Variants in THOC6 observed in about 807,000 individuals in gnomAD.
The protein encoded by THOC6 is THO complex 6.
THOC6 carries 39 observed loss-of-function variants against 55.8 expected under a neutral mutation model. The observed-to-expected ratio is 0.70, with a 90% confidence interval of 0.54 to 0.91. THOC6 has a LOEUF of 0.91. Among genes scored for constraint, THOC6 ranks in the 40% least tolerant of loss-of-function variants. The probability of loss-of-function intolerance (pLI) is 0.00; values close to 1 mark genes in which losing one functional copy is unlikely to be tolerated. For synonymous variants in THOC6, 192 were observed against 175.6 expected, an observed-to-expected ratio of 1.09 and a Z score of -0.74; for missense variants, 482 against 442.0, an observed-to-expected ratio of 1.09 and a Z score of -0.81.
Position 3,027,709 on chromosome 16 carries a change from C to CTT in THOC6, c.*68_*69dup, listed in dbSNP as rs56382043. The CTT allele has an allele frequency of 2.2e-4, 300 of 1,349,972 alleles. No homozygotes were observed. The highest frequency in any genetic ancestry group is 2.6e-4 in the Non-Finnish European group (259 of 1,008,686). The allele number at this position is 1,349,972 out of a possible 1,614,324, so 83.6% of individuals were successfully genotyped here. ...AGGGTTTTAGAGTGTTTTTCATTTT[C>CTT]TTTTTTTTTTTTTTTTTACAATAAA... On this transcript the variant is annotated 3_prime_UTR_variant, in exon 13 of 13. Coordinates refer to ENST00000326266, the MANE Select transcript of THOC6 (RefSeq NM_024339.5).
chr16:3,027,318 C>G lies in THOC6; in HGVS notation c.810+38C>G, dbSNP rs376580486. 5 of 1,614,172 alleles carry G rather than the reference C, an allele frequency of 3.1e-6. No individual in the cohort carries two copies. In the East Asian group the frequency reaches 1.1e-4, roughly 36 times the overall value. On this transcript the variant is annotated intron_variant, in intron 11 of 12. Coordinates refer to ENST00000326266, the MANE Select transcript of THOC6 (RefSeq NM_024339.5). ...GTCTCACTTCTGCCACCCCCACTGA[C>G]TCTTCCCTTCAGTCCTGACCCCTGA...
In THOC6 at chr16:3,026,414, G is replaced by C; in HGVS notation, c.411+1G>C. 1 of 1,614,108 alleles carries C rather than the reference G, an allele frequency of 6.2e-7. No homozygotes were observed. The highest frequency in any genetic ancestry group is 8.5e-7 in the Non-Finnish European group (1 of 1,180,030). ...CAACGCTTTGCTGCTGGTCCCCAAG[G>C]TCTGAGCCCCATGTGACTGTTCTTG... On this transcript the variant is annotated splice_donor_variant, in intron 6 of 12. Transcript: ENST00000326266. LOFTEE classifies it high-confidence loss of function.
intron 8 of THOC6, 32 bp from the exon 9 acceptor site, chr16:3,026,835 G>A: frequency 6.2e-7 from 1 of 1,614,196 alleles, no homozygotes; most frequent in Non-Finnish European, 8.5e-7. Context: ...GCTGAGGCAA[G>A]TGGGGCACCA....
At chr16:3,024,501 C>T in intron 1 of THOC6, 136 bp downstream of exon 1, 1 of 1,075,426 alleles carries the variant, frequency 9.3e-7, no homozygotes. Flanking sequence ...ACCAGGGGGG[C>T]GGGATAGTAA....
chr16:3,024,708 C>G (rs2072738363), intron 1 of THOC6, among the ~76,000 whole-genome samples: 1 of 145,402 alleles, frequency 6.9e-6, no homozygotes, highest in Non-Finnish European at 1.5e-5. Context: ...GATCTCAGCT[C>G]ACTGCAACCT....
At chr16:3,024,726 C>A (rs1156837543) in intron 1 of THOC6, among the ~76,000 whole-genome samples, 1 of 151,106 alleles carries the variant, frequency 6.6e-6, no homozygotes, top group Non-Finnish European at 1.5e-5. Context: ...CCTCCGCCTC[C>A]CAGGTTCAAG....
Position 3,026,898 on chromosome 16 carries a change from C to T in THOC6, c.618C>T (p.Ile206=), listed in dbSNP as rs200979270. 12 of 1,614,080 alleles carry T rather than the reference C, an allele frequency of 7.4e-6. No individual in the cohort carries two copies. The highest frequency in any genetic ancestry group is 1.6e-4 in the Middle Eastern group (1 of 6,084). The change falls in exon 9 of 13, where the codon ATC becomes ATT. Residue 206 remains isoleucine (I), a synonymous_variant. Coordinates refer to ENST00000326266, the MANE Select transcript of THOC6 (RefSeq NM_024339.5). ...GCACAGCCAAGGAGGTCCAGACGATCGAGGTCTATAAGCACGAGGTGAGGG... is the reference window on the plus strand; with the variant it reads ...GCACAGCCAAGGAGGTCCAGACGATTGAGGTCTATAAGCACGAGGTGAGGG... ...DLRTAKEVQT[I]EVYKHEECSR...
At chr16:3,025,609 C>G in intron 1 of THOC6, 99 bp from the exon 2 acceptor site, 1 of 1,104,408 alleles carries the variant, frequency 9.1e-7, no homozygotes, top group Non-Finnish European at 1.4e-6. Context: ...GAAGTCAGGA[C>G]AGTGGGAGGC....
rs1353082351 is a variant in THOC6 at position 3,026,498 on chromosome 16, C to T, written c.412-18C>T. The T allele has an allele frequency of 6.2e-7, 1 of 1,614,158 alleles. No homozygotes were observed. Among genetic ancestry groups the T allele is most frequent in the Admixed American group, 1.7e-5 (1 of 60,002 alleles). On this transcript the variant is annotated intron_variant, in intron 6 of 12. Coordinates refer to ENST00000326266, the MANE Select transcript of THOC6 (RefSeq NM_024339.5). ...CTGATTTGACATTGACTTTCTGCCT[C>T]ATCCTGCTCCTCCACAGGAGAATTC...
At position 3,027,497 on chromosome 16, in the gene THOC6, CA is replaced by C. The variant is rs765747828; in HGVS notation, c.944del (p.Lys315ArgfsTer3). The C allele has an allele frequency of 3.1e-6, 5 of 1,611,218 alleles. No individual in the cohort carries two copies. Among genetic ancestry groups the C allele is most frequent in the Non-Finnish European group, 4.2e-6 (5 of 1,178,408 alleles). Reference sequence around the variant, plus strand: ...ACCAGCAGCCTGCCGCGCCTGAGTGCAAGGTGGGTCCGGCAGGGGCCGCGGA... The same window carrying C: ...ACCAGCAGCCTGCCGCGCCTGAGTGCAGGTGGGTCCGGCAGGGGCCGCGGA... Reference protein sequence around the residue: ...LNQQPAAPECKVLTAAGNSCR... With the variant: ...LNQQPAAPECXVLTAAGNSCR... On this transcript the variant is annotated frameshift_variant and splice_region_variant, in exon 12 of 13. Transcript: ENST00000326266. LOFTEE classifies it high-confidence loss of function.
At position 3,025,647 on chromosome 16, in the gene THOC6, G is replaced by T. The variant is rs1303822173; in HGVS notation, c.40-61G>T. 10 of 1,492,838 alleles carry T rather than the reference G, an allele frequency of 6.7e-6. No individual in the cohort carries two copies. In the African/African-American group the frequency reaches 8.3e-5, roughly 12 times the overall value. 92.5% of individuals were successfully genotyped at this position (1,492,838 alleles called of 1,614,324 possible). On this transcript the variant is annotated intron_variant, in intron 1 of 12. Transcript: ENST00000326266. ...GGCAGGTTTTGGGGGAAGCAGGGAG[G>T]AATCTGTGGATGGGAGGTTTCATAC... is the stretch of plus-strand genomic sequence containing the variant.
Position 3,025,960 on chromosome 16 carries a change from A to C in THOC6, c.192A>C (p.Glu64Asp), listed in dbSNP as rs2072777723. 1 of 1,614,060 alleles carries C rather than the reference A, an allele frequency of 6.2e-7. No homozygotes were observed. Among genetic ancestry groups the C allele is most frequent in the African/African-American group, 1.3e-5 (1 of 74,916 alleles). The change falls in exon 3 of 13, where the codon GAA becomes GAC. Residue 64 changes from glutamate to aspartate, a missense_variant. By Grantham distance (45) the Glu-to-Asp change is conservative (BLOSUM62 2). Coordinates refer to ENST00000326266, the MANE Select transcript of THOC6 (RefSeq NM_024339.5). Reference sequence around the variant, plus strand: ...CTTTGAGCTCAGAAGCCAAAGAGGAAAGTAAGAAGCCGGTGGTGACTTTCC... The same window carrying C: ...CTTTGAGCTCAGAAGCCAAAGAGGACAGTAAGAAGCCGGTGGTGACTTTCC... ...SSALSSEAKEESKKPVVTFQA... is the reference protein window; with the variant it reads ...SSALSSEAKEDSKKPVVTFQA...
chr16:3,024,361 G>A lies in THOC6; in HGVS notation c.35G>A (p.Gly12Asp). 1 of 1,614,140 alleles carries A rather than the reference G, an allele frequency of 6.2e-7. No homozygotes were observed. The highest frequency in any genetic ancestry group is 8.5e-7 in the Non-Finnish European group (1 of 1,180,016). ...GCTGTGCCGCTCGCGGTGCCTCTGGGTCAGGTGAGACGGACGTGGTGCGCG... is the reference window on the plus strand; with the variant it reads ...GCTGTGCCGCTCGCGGTGCCTCTGGATCAGGTGAGACGGACGTGGTGCGCG... Reference protein sequence around the residue: ...ERAVPLAVPLGQTEVFQALQR... With the variant: ...ERAVPLAVPLDQTEVFQALQR... Residue 12 changes from glycine to aspartate, a missense_variant, in exon 1 of 13, where the codon GGT becomes GAT. Gly to Asp is a moderately conservative substitution (Grantham distance 94). Transcript: ENST00000326266.
Position 3,027,131 on chromosome 16 carries a change from C to G in THOC6, c.700-39C>G, listed in dbSNP as rs375370982. 4.0e-5 allele frequency: 65 copies of G among 1,614,050 alleles called. No homozygotes were observed. In the Admixed American group the frequency reaches 1.1e-3, roughly 26 times the overall value. On this transcript the variant is annotated intron_variant, in intron 10 of 12. Transcript: ENST00000326266. ...GCTCCGGGCCCTGTCAGCTGTGGGCCTGTGGTTCACAGCTGGGGACTCCCA... is the reference window on the plus strand; with the variant it reads ...GCTCCGGGCCCTGTCAGCTGTGGGCGTGTGGTTCACAGCTGGGGACTCCCA...
At position 3,024,226 on chromosome 16, in the gene THOC6, C is replaced by A; in HGVS notation, c.-101C>A. Reference sequence around the variant, plus strand: ...ACGGTACGCACCAGCCACCTTCGCGCCGAAGGCGGTAGGGCGCCACGGAGA... The same window carrying A: ...ACGGTACGCACCAGCCACCTTCGCGACGAAGGCGGTAGGGCGCCACGGAGA... On this transcript the variant is annotated 5_prime_UTR_variant, in exon 1 of 13. Coordinates refer to ENST00000326266, the MANE Select transcript of THOC6 (RefSeq NM_024339.5). 1 of 1,497,404 alleles carries A rather than the reference C, an allele frequency of 6.7e-7. No homozygotes were observed. Among genetic ancestry groups the A allele is most frequent in the Non-Finnish European group, 9.2e-7 (1 of 1,083,674 alleles). 92.8% of individuals were successfully genotyped at this position (1,497,404 alleles called of 1,614,324 possible). A position where few individuals can be genotyped will look rare whatever the true frequency, so the allele number is the denominator to read the frequency against.
At chr16:3,025,020 G>A (rs2072749458) in intron 1 of THOC6, among the ~76,000 whole-genome samples, 5 of 138,122 alleles carry the variant, frequency 3.6e-5, no homozygotes, top group Admixed American at 1.6e-4. Flanking sequence ...TGGGTTCACC[G>A]CAACCTCCGC....
rs143382065 is a variant in THOC6 at position 3,027,486 on chromosome 16, G to T, written c.931G>T (p.Ala311Ser). ...CCTCAGCCTCAACCAGCAGCCTGCCGCGCCTGAGTGCAAGGTGGGTCCGGC... is the reference window on the plus strand; with the variant it reads ...CCTCAGCCTCAACCAGCAGCCTGCCTCGCCTGAGTGCAAGGTGGGTCCGGC... The part of the protein sequence containing the change: ...LSLSLNQQPA[A>S]PECKVLTAAG... The change falls in exon 12 of 13, where the codon GCG (alanine) becomes TCG (serine). Residue 311 changes from alanine (A) to serine (S), a missense_variant. Ala to Ser is a moderately conservative substitution (Grantham distance 99). Coordinates refer to ENST00000326266, the MANE Select transcript of THOC6 (RefSeq NM_024339.5). 2 of 1,610,104 alleles carry T rather than the reference G, an allele frequency of 1.2e-6. No homozygotes were observed. Among genetic ancestry groups the T allele is most frequent in the South Asian group, 1.1e-5 (1 of 90,938 alleles).
In THOC6 at chr16:3,024,202, C is replaced by A. The variant is rs2072717503; in HGVS notation, c.-125C>A. 1.6e-6 allele frequency: 2 copies of A among 1,217,694 alleles called. No individual in the cohort carries two copies. The highest frequency in any genetic ancestry group is 2.4e-6 in the Non-Finnish European group (2 of 845,364). The allele number at this position is 1,217,694 out of a possible 1,614,324, so 75.4% of individuals were successfully genotyped here. A position where few individuals can be genotyped will look rare whatever the true frequency, so the allele number is the denominator to read the frequency against. On this transcript the variant is annotated 5_prime_UTR_variant, in exon 1 of 13. Transcript: ENST00000326266. ...TCACCTCGGCTCCTAGGGTTCGGGACGGTACGCACCAGCCACCTTCGCGCC... is the reference window on the plus strand; with the variant it reads ...TCACCTCGGCTCCTAGGGTTCGGGAAGGTACGCACCAGCCACCTTCGCGCC...
At chr16:3,025,296 C>T (rs531889033) in intron 1 of THOC6, among the ~76,000 whole-genome samples, 1 of 152,310 alleles carries the variant, frequency 6.6e-6, no homozygotes, top group South Asian at 2.1e-4. Flanking sequence ...CCAGGCTGCT[C>T]TCAAACTCCT....
Sources: allele counts gnomAD v4.1 joint callset (sites outside exome capture counted in the v4.1 genomes callset), GRCh38; gene constraint gnomAD v4.1.1; transcripts MANE v1.5; gene names NCBI Gene and HGNC (gene_info 2026-07-23, HGNC 2026-07-21).